Variants in IQUB observed in about 807,000 individuals in gnomAD.
IQUB encodes the protein IQ motif and ubiquitin-like domain-containing protein.
Under a neutral mutation model 86.4 loss-of-function variants are expected in IQUB, and 86 were observed. The observed-to-expected ratio is 1.00, with a 90% confidence interval of 0.84 to 1.19. The LOEUF is 1.19. IQUB is among the 50% of genes most tolerant of loss of function. IQUB has a pLI of 0.00. For synonymous variants in IQUB, 289 were observed against 304.5 expected (o/e 0.95, Z 0.53); for missense variants, 946 against 916.9 (o/e 1.03, Z -0.41).
chr7:123,460,619 TCAA>T (rs1462397079), intron 11 of IQUB, among the ~76,000 whole-genome samples: 1 of 151,942 alleles, frequency 6.6e-6, no homozygotes, highest in African/African-American at 2.4e-5. Context: ...GGTAGCCATA[TCAA>T]CAACAAGTAA....
intron 11 of IQUB, chr7:123,459,953 C>T (rs996550063): frequency 7.9e-5 from 12 of 151,756 alleles, no homozygotes; most frequent in African/African-American, 2.7e-4. Context: ...TGGGTGATAC[C>T]AAAGTTTTCC....
chr7:123,527,620 G>A (rs1434205018), intron 1 of IQUB, among the ~76,000 whole-genome samples: 1 of 147,322 alleles, frequency 6.8e-6, no homozygotes, highest in East Asian at 1.9e-4. Context: ...TCCCAGTTAG[G>A]CTGCTCGGGG....
chr7:123,497,766 C>T (rs1210324070), intron 6 of IQUB, among the ~76,000 whole-genome samples: 3 of 150,274 alleles, frequency 2.0e-5, no homozygotes, highest in African/African-American at 7.4e-5. Context: ...CTAGATCAAA[C>T]TGAAGGGGTC....
At chr7:123,493,731 A>ATGTGTGTG (rs71161484) in intron 7 of IQUB, among the ~76,000 whole-genome samples, 3,537 of 112,520 alleles carry the variant, frequency 0.031, 51 homozygotes, top group Non-Finnish European at 0.041. Context: ...ATGTGTGTGT[A>ATGTGTGTG]TGTGTGTGTG....
At chr7:123,461,663 T>A (rs1793994626) in intron 10 of IQUB, 58 bp from the exon 11 acceptor site, 5 of 1,431,550 alleles carry the variant, frequency 3.5e-6, no homozygotes, top group Non-Finnish European at 4.6e-6. Context: ...AGGCCAAATA[T>A]GATCCTAACC....
rs79041408 is a variant in IQUB, at chr7:123,514,610, A to G, written c.-4-2266T>C. ...GTTTATAATTTGTTTATTTGTATAG[A>G]CTTAGGGAGTACAAGTACAGTGCAG... On this transcript the variant is annotated intron_variant, in intron 1 of 12. Coordinates refer to ENST00000324698, the MANE Select transcript of IQUB (RefSeq NM_178827.5). 1.1e-3 allele frequency among the ~76,000 whole-genome samples: 168 copies of G among 152,320 alleles called. No homozygotes were observed. In the East Asian group the frequency reaches 0.031, roughly 28 times the overall value.
intron 11 of IQUB, 83 bp from the exon 12 acceptor site, chr7:123,457,649 A>G: frequency 4.8e-6 from 5 of 1,031,000 alleles, no homozygotes; most frequent in Non-Finnish European, 5.7e-6. Flanking sequence ...TAATTAAATT[A>G]TAGAGTATTT....
At chr7:123,498,737 G>A (rs1325993337) in intron 6 of IQUB, among the ~76,000 whole-genome samples, 1 of 152,154 alleles carries the variant, frequency 6.6e-6, no homozygotes, top group Non-Finnish European at 1.5e-5. Context: ...GAGGGAAAAG[G>A]AACAAAGAGC....
At chr7:123,513,151 G>T (rs1218830527) in intron 1 of IQUB, among the ~76,000 whole-genome samples, 3 of 152,158 alleles carry the variant, frequency 2.0e-5, no homozygotes, top group African/African-American at 4.8e-5. Flanking sequence ...TCTCTCTGGG[G>T]CTTCTACTTT....
intron 6 of IQUB, among the ~76,000 whole-genome samples, chr7:123,499,111 T>C (rs1795832389): frequency 6.6e-6 from 1 of 150,780 alleles, no homozygotes; most frequent in African/African-American, 2.4e-5. Context: ...AAATGTTTCC[T>C]TTTTTTCTTT....
At chr7:123,532,642 C>T (rs1354489299) in intron 1 of IQUB, 1 of 152,074 alleles carries the variant, frequency 6.6e-6, no homozygotes, top group East Asian at 1.9e-4. Context: ...TATAAAAGGG[C>T]TCAGAAAGCG....
chr7:123,482,916 T>A (rs956345546), intron 7 of IQUB, among the ~76,000 whole-genome samples: 25 of 152,080 alleles, frequency 1.6e-4, no homozygotes, highest in African/African-American at 5.8e-4. Context: ...TCCACAGACA[T>A]GAAAGCAAAA....
At chr7:123,462,824 T>C in intron 10 of IQUB, 1 of 455,424 alleles carries the variant, frequency 2.2e-6, no homozygotes, top group Non-Finnish European at 4.4e-6. Flanking sequence ...AAAGATATTC[T>C]CCACCCATCT....
At chr7:123,492,503 C>T (rs1483479570) in intron 7 of IQUB, among the ~76,000 whole-genome samples, 2 of 152,048 alleles carry the variant, frequency 1.3e-5, no homozygotes, top group Non-Finnish European at 2.9e-5. Context: ...ATGATTCACA[C>T]GAGAAGAAAC....
chr7:123,469,694 A>G (rs1279675754), intron 8 of IQUB, among the ~76,000 whole-genome samples: 1 of 152,176 alleles, frequency 6.6e-6, no homozygotes, highest in Non-Finnish European at 1.5e-5. Flanking sequence ...CCCCATGAGG[A>G]CAATTATTTG....
intron 7 of IQUB, among the ~76,000 whole-genome samples, chr7:123,482,583 C>T (rs1391516662): frequency 6.6e-6 from 1 of 151,584 alleles, no homozygotes; most frequent in Non-Finnish European, 1.5e-5. Context: ...AAAAGTATAA[C>T]AATATTAAGA....
At position 123,526,666 on chromosome 7, in the gene IQUB, T is replaced by TG. The variant is rs749221294; in HGVS notation, c.-5+7825dup. On this transcript the variant is annotated intron_variant, in intron 1 of 12. Transcript: ENST00000324698. The stretch of plus-strand genomic sequence containing the variant: ...ACTCTTTATCCAATTTGCCAGTCTG[T>TG]GTCTTTTAATTGGAGCATTTAGTCC... Among the ~76,000 whole-genome samples the TG allele has an allele frequency of 5.3e-3, 809 of 151,710 alleles. 4 individuals are homozygous for TG. Among genetic ancestry groups the TG allele is most frequent in the African/African-American group, 0.018 (750 of 41,292 alleles).
intron 12 of IQUB, among the ~76,000 whole-genome samples, chr7:123,453,385 A>G (rs1206136735): frequency 4.0e-5 from 6 of 148,506 alleles, no homozygotes; most frequent in Non-Finnish European, 7.4e-5. Context: ...GAATCTAAGG[A>G]GATAACTAAA....
intron 7 of IQUB, among the ~76,000 whole-genome samples, chr7:123,484,714 A>G (rs1795146553): frequency 6.6e-6 from 1 of 152,076 alleles, no homozygotes; most frequent in African/African-American, 2.4e-5. Context: ...TGTGTATTCA[A>G]GTACACATAC....
Sources: allele counts gnomAD v4.1 joint callset (sites outside exome capture counted in the v4.1 genomes callset), GRCh38; gene constraint gnomAD v4.1.1; transcripts MANE v1.5; gene names NCBI Gene and HGNC (gene_info 2026-07-23, HGNC 2026-07-21).